The following TIAM2 variants were observed in gnomAD, a reference collection of about 807,000 sequenced individuals.
TIAM2 encodes TIAM Rac1 associated GEF 2.
A neutral mutation model predicts 152.9 loss-of-function variants in TIAM2; 80 were observed. The observed-to-expected ratio is 0.52, with a 90% CI of 0.44 to 0.63. TIAM2 has a LOEUF of 0.63. TIAM2 is among the 30% of genes least tolerant of loss of function. The pLI is 0.00. For synonymous variants in TIAM2, 804 were observed against 838.0 expected (o/e 0.96, Z 0.70); for missense variants, 1,965 against 2,120.1 (o/e 0.93, Z 1.44).
At chr6:155,200,983 C>G in intron 14 of TIAM2, among the ~76,000 whole-genome samples, 1 of 152,196 alleles carries the variant, frequency 6.6e-6, no homozygotes, top group Non-Finnish European at 1.5e-5. Context: ...CTCCAACCCC[C>G]GCTCCTGGCA....
rs1294330018 is a variant in TIAM2, at chr6:155,129,888, C to T, written c.665C>T (p.Ser222Phe). The T allele has an allele frequency of 1.2e-6, 2 of 1,613,736 alleles. No homozygotes were observed. The highest frequency in any genetic ancestry group is 4.5e-5 in the East Asian group (2 of 44,894). Residue 222 changes from serine to phenylalanine, a missense_variant, in exon 4 of 27, where the codon TCC (serine) becomes TTC (phenylalanine). Transcript: ENST00000682666. The surrounding 1 kb of genome is among the most constrained non-coding windows in gnomAD (Gnocchi z 4.8). ...GCCAGGAGGGGGTCCAGCGCCGATT[C>T]CCTGCCCAGCCATCGCCCCTCTCCC... The part of the protein sequence containing the change: ...PEARRGSSAD[S>F]LPSHRPSPTD...
At chr6:155,220,942 G>C (rs927017946) in intron 15 of TIAM2, among the ~76,000 whole-genome samples, 1 of 151,878 alleles carries the variant, frequency 6.6e-6, no homozygotes, top group African/African-American at 2.4e-5. Flanking sequence ...ACAGGCCCCG[G>C]TGTGTGATGT....
intron 1 of TIAM2, among the ~76,000 whole-genome samples, chr6:155,053,209 A>G (rs1276015895): frequency 6.6e-6 from 1 of 152,238 alleles, no homozygotes; most frequent in Non-Finnish European, 1.5e-5. Context: ...ACATTACAGT[A>G]AAGTATATAT....
chr6:155,005,979 A>T (rs1778394131), intron 1 of TIAM2, among the ~76,000 whole-genome samples: 1 of 152,230 alleles, frequency 6.6e-6, no homozygotes, highest in Non-Finnish European at 1.5e-5. Flanking sequence ...AATTTGAATC[A>T]TTTGAAAAAG....
At chr6:155,080,856 C>G (rs1022714409) in intron 1 of TIAM2, among the ~76,000 whole-genome samples, 4 of 152,172 alleles carry the variant, frequency 2.6e-5, no homozygotes, top group Non-Finnish European at 4.4e-5. Context: ...CCAACATCCC[C>G]AGTCTTGGGA....
intron 16 of TIAM2, among the ~76,000 whole-genome samples, chr6:155,242,914 CT>C (rs35279067): frequency 0.4 from 50,264 of 126,358 alleles, 9,246 homozygotes; most frequent in Middle Eastern, 0.56. Flanking sequence ...TTTTTTTTTT[CT>C]TTTTTTTAGT....
chr6:155,117,651 C>T lies in TIAM2; in HGVS notation c.-117-9839C>T, dbSNP rs187110006. On this transcript the variant is annotated intron_variant, in intron 2 of 26. Coordinates refer to ENST00000682666, the MANE Select transcript of TIAM2 (RefSeq NM_012454.4). ...AAAGGCGGGGTTTCACCATGTTGAT[C>T]GGGCTGGTCTCGAACTCCTGACCTC... is the stretch of plus-strand genomic sequence containing the variant. Among the ~76,000 whole-genome samples, 462 of 152,284 alleles carry T rather than the reference C, an allele frequency of 3.0e-3. 2 individuals carry two copies. The highest frequency in any genetic ancestry group is 0.011 in the African/African-American group (439 of 41,544).
intron 2 of TIAM2, among the ~76,000 whole-genome samples, chr6:155,104,217 CT>C (rs1778627310): frequency 6.6e-6 from 1 of 152,034 alleles, no homozygotes; most frequent in Non-Finnish European, 1.5e-5. Flanking sequence ...GCTCTGTGAC[CT>C]TTTGCAAGTC....
intron 6 of TIAM2, among the ~76,000 whole-genome samples, chr6:155,145,189 A>G (rs571798435): frequency 7.9e-5 from 12 of 152,310 alleles, no homozygotes; most frequent in African/African-American, 2.9e-4. Flanking sequence ...GTGGATGTCA[A>G]AAGTTTTCAG....
chr6:155,036,662 G>T (rs1776929632), intron 1 of TIAM2, among the ~76,000 whole-genome samples: 1 of 151,088 alleles, frequency 6.6e-6, no homozygotes, highest in Admixed American at 6.6e-5. Context: ...TTGTTGCCCA[G>T]GCTGGAGTGC....
chr6:155,123,053 CAG>C (rs927421451), intron 2 of TIAM2, among the ~76,000 whole-genome samples: 1 of 152,066 alleles, frequency 6.6e-6, no homozygotes, highest in Non-Finnish European at 1.5e-5. Context: ...TGAAGCATGA[CAG>C]AAAAATATCT....
At chr6:155,100,196 C>A (rs1298723160) in intron 2 of TIAM2, among the ~76,000 whole-genome samples, 1 of 152,162 alleles carries the variant, frequency 6.6e-6, no homozygotes, top group African/African-American at 2.4e-5. Context: ...AAGTTTGGGT[C>A]GTCTGACTTT....
chr6:155,164,336 T>C (rs1231327315), intron 7 of TIAM2, 79 bp from the exon 8 acceptor site: 1 of 1,377,516 alleles, frequency 7.3e-7, no homozygotes, highest in Admixed American at 2.1e-5. Flanking sequence ...TCTTCAAGTT[T>C]GTGAAAGGGA....
At chr6:155,160,009 G>A (rs1003006444) in intron 7 of TIAM2, among the ~76,000 whole-genome samples, 1 of 152,194 alleles carries the variant, frequency 6.6e-6, no homozygotes, top group Non-Finnish European at 1.5e-5. Flanking sequence ...AGGTGTGTGT[G>A]TATGTGTTTG....
Position 155,183,287 on chromosome 6 carries a change from G to C in TIAM2, c.2851G>C (p.Asp951His). Residue 951 changes from aspartate (D) to histidine (H), a missense_variant, in exon 14 of 27, where the codon GAT (aspartate) becomes CAT (histidine). Coordinates refer to ENST00000682666, the MANE Select transcript of TIAM2 (RefSeq NM_012454.4). ...IMTLNGEAVSDLDLKQMEALF... is the reference protein window; with the variant it reads ...IMTLNGEAVSHLDLKQMEALF... ...GACCTTAAATGGGGAAGCTGTGTCT[G>C]ATCTTGACCTTAAGCAGATGGAGGC... is the stretch of plus-strand genomic sequence containing the variant. The C allele has an allele frequency of 6.2e-7, 1 of 1,614,196 alleles. No homozygotes were observed. The highest frequency in any genetic ancestry group is 8.5e-7 in the Non-Finnish European group (1 of 1,180,036).
rs1779371136 is a variant in TIAM2, at chr6:155,129,129, A to G, written c.-6-89A>G. 1 of 1,226,636 alleles carries G rather than the reference A, an allele frequency of 8.2e-7. No homozygotes were observed. The highest frequency in any genetic ancestry group is 1.1e-6 in the Non-Finnish European group (1 of 876,248). The allele number at this position is 1,226,636 out of a possible 1,614,324, so 76.0% of individuals were successfully genotyped here. A position where few individuals can be genotyped will look rare whatever the true frequency, so the allele number is the denominator to read the frequency against. On this transcript the variant is annotated intron_variant, in intron 3 of 26. Transcript: ENST00000682666. The surrounding 1 kb of genome is among the most constrained non-coding windows in gnomAD (Gnocchi z 4.8). ...CTTCCAGGCACTGAAGTTGCTGTGT[A>G]ATATGCAGGGCATTCTTTTTAGAAA...
At chr6:155,083,550 G>A (rs945531958) in intron 1 of TIAM2, among the ~76,000 whole-genome samples, 4 of 152,102 alleles carry the variant, frequency 2.6e-5, no homozygotes, top group African/African-American at 9.7e-5. Flanking sequence ...TAAACATGGT[G>A]CATGTTGTAA....
At chr6:155,116,702 C>T (rs1263118202) in intron 2 of TIAM2, among the ~76,000 whole-genome samples, 2 of 152,104 alleles carry the variant, frequency 1.3e-5, no homozygotes, top group Non-Finnish European at 2.9e-5. Flanking sequence ...TGTGTGGTTG[C>T]AGTCTGAGAT....
At chr6:155,088,568 A>G (rs1778224246) in intron 1 of TIAM2, among the ~76,000 whole-genome samples, 2 of 152,140 alleles carry the variant, frequency 1.3e-5, no homozygotes, top group Admixed American at 6.5e-5. Flanking sequence ...TGTAGTGTAG[A>G]TCATATTTCC....
Sources: gnomAD v4.1 joint callset for allele counts (sites outside exome capture counted in the v4.1 genomes callset) on GRCh38, gnomAD v4.1.1 for gene constraint, Gnocchi (gnomAD v3.1) non-coding constraint, MANE v1.5 for transcripts, NCBI Gene and HGNC (gene_info 2026-07-23, HGNC 2026-07-21) for gene names.